CSMD3: variants seen among roughly 807,000 people sequenced by gnomAD.
The protein encoded by CSMD3 is CUB and Sushi multiple domains 3, also known as CUB and sushi domain-containing protein 3.
Under a neutral mutation model 435.2 loss-of-function variants are expected in CSMD3, and 177 were observed. The observed-to-expected ratio is 0.41, with a 90% CI of 0.36 to 0.46. CSMD3 has a LOEUF of 0.46. CSMD3 is among the 20% of genes least tolerant of loss of function. CSMD3 has a pLI of 0.34. For synonymous variants in CSMD3, 1,656 were observed against 1,520.5 expected (o/e 1.09, Z -2.07); for missense variants, 4,265 against 4,504.6 (o/e 0.95, Z 1.52).
intron 6 of CSMD3, among the ~76,000 whole-genome samples, chr8:112,980,820 G>T (rs964970665): frequency 5.9e-5 from 9 of 151,374 alleles, no homozygotes; most frequent in African/African-American, 1.9e-4. Flanking sequence ...ATTATAAAAG[G>T]TATTAATTTC....
rs193047713 is a variant in CSMD3, at chr8:112,312,866, G to A, written c.7696+1040C>T. On this transcript the variant is annotated intron_variant, in intron 49 of 70. Transcript: ENST00000297405. Reference sequence around the variant, plus strand: ...ATTCAAAATGTATCTGTCTATGCCCGGAATCATAGTGTCAGAGTTTATAAA... The same window carrying A: ...ATTCAAAATGTATCTGTCTATGCCCAGAATCATAGTGTCAGAGTTTATAAA... Among the ~76,000 whole-genome samples, 24 of 152,100 alleles carry A rather than the reference G, an allele frequency of 1.6e-4. No individual in the cohort carries two copies. The East Asian group carries it at 2.7e-3, about 17-fold the overall frequency.
intron 10 of CSMD3, among the ~76,000 whole-genome samples, chr8:112,894,250 C>A (rs1204090022): frequency 6.6e-6 from 1 of 151,332 alleles, no homozygotes; most frequent in Non-Finnish European, 1.5e-5. Context: ...CATATAGACC[C>A]AGATGGCATT....
chr8:112,378,116 C>A (rs549582353), intron 38 of CSMD3, among the ~76,000 whole-genome samples: 1 of 152,030 alleles, frequency 6.6e-6, no homozygotes, highest in African/African-American at 2.4e-5. Flanking sequence ...CTCCACGGAC[C>A]ACACTGAGGT....
chr8:112,344,821 T>C (rs1825507324), intron 41 of CSMD3, among the ~76,000 whole-genome samples: 4 of 152,154 alleles, frequency 2.6e-5, no homozygotes, highest in Admixed American at 2.6e-4. Context: ...GGGAAGGTAT[T>C]ATAGTGATTT....
At chr8:112,536,672 T>C (rs1307179368) in intron 27 of CSMD3, among the ~76,000 whole-genome samples, 2 of 151,410 alleles carry the variant, frequency 1.3e-5, no homozygotes, top group African/African-American at 4.9e-5. Flanking sequence ...TTACTGGGTA[T>C]ATACCCAAAG....
intron 35 of CSMD3, among the ~76,000 whole-genome samples, chr8:112,400,934 C>T (rs956042444): frequency 3.3e-5 from 5 of 152,090 alleles, no homozygotes; most frequent in African/African-American, 4.8e-5. Context: ...GGGCCAGGCC[C>T]GGTGGCTCAC....
intron 2 of CSMD3, among the ~76,000 whole-genome samples, chr8:113,298,481 T>A (rs1027551883): frequency 6.6e-6 from 1 of 152,202 alleles, no homozygotes; most frequent in South Asian, 2.1e-4. Context: ...TGTTTCATAA[T>A]AAAATATTCC....
At chr8:112,594,120 C>T (rs1351080155) in intron 22 of CSMD3, among the ~76,000 whole-genome samples, 1 of 152,110 alleles carries the variant, frequency 6.6e-6, no homozygotes, top group Non-Finnish European at 1.5e-5. Flanking sequence ...GTTCATCTCA[C>T]TAGGGAGTGC....
chr8:112,533,034 T>A (rs550950405), intron 27 of CSMD3, among the ~76,000 whole-genome samples: 1 of 152,190 alleles, frequency 6.6e-6, no homozygotes, highest in South Asian at 2.1e-4. Flanking sequence ...TAACCTTAAG[T>A]AGCCATTAGT....
chr8:112,782,988 G>A (rs1450218669), intron 13 of CSMD3, among the ~76,000 whole-genome samples: 1 of 151,888 alleles, frequency 6.6e-6, no homozygotes, highest in Admixed American at 6.6e-5. Context: ...TAAGTGATAA[G>A]CATTTATATA....
At chr8:112,386,658 C>T (rs936119516) in intron 36 of CSMD3, among the ~76,000 whole-genome samples, 2 of 152,020 alleles carry the variant, frequency 1.3e-5, no homozygotes, top group East Asian at 1.9e-4. Context: ...CCACCACGCC[C>T]GGCTAATTTT....
intron 13 of CSMD3, among the ~76,000 whole-genome samples, chr8:112,697,602 G>A (rs367747098): frequency 6.6e-6 from 1 of 151,924 alleles, no homozygotes; most frequent in African/African-American, 2.4e-5. Context: ...GTGGGGGCAG[G>A]GGGGAGGGTT....
In CSMD3 at chr8:112,281,166, ATACT is replaced by A; in HGVS notation, c.9508+4_9508+7del. ...TTACTGATTTTTAAATATTGAGAAT[ATACT>A]TACTTGTACAGTTAGGTAAAGTTCC... On this transcript the variant is annotated splice_donor_5th_base_variant and intron_variant, in intron 59 of 70. Transcript: ENST00000297405. 6.3e-7 allele frequency: 1 copy of A among 1,593,884 alleles called. No homozygotes were observed. The highest frequency in any genetic ancestry group is 8.6e-7 in the Non-Finnish European group (1 of 1,161,820).
At chr8:113,102,382 G>T (rs2090355222) in intron 4 of CSMD3, among the ~76,000 whole-genome samples, 1 of 152,224 alleles carries the variant, frequency 6.6e-6, no homozygotes, top group Non-Finnish European at 1.5e-5. Flanking sequence ...TATTCATTGA[G>T]ATCTTCCAAG....
chr8:113,326,309 T>C (rs2093983489), intron 1 of CSMD3, among the ~76,000 whole-genome samples: 1 of 152,060 alleles, frequency 6.6e-6, no homozygotes, highest in South Asian at 2.1e-4. Flanking sequence ...TCTTGTCTTT[T>C]TAAAGTGACC....
rs1824456141 is a variant in CSMD3, at chr8:112,335,343, A to G, written c.7151T>C (p.Val2384Ala). Residue 2384 changes from valine to alanine, a missense_variant, in exon 45 of 71, where the codon GTG becomes GCG. Around this residue, in one of 3 missense-constraint regions of CSMD3, gnomAD observed 3,255 missense variants for 3,380.2 expected, o/e 0.96. Transcript: ENST00000297405. ...HSDFTTSGFF[V>A]LSYHAYQLRV... ...ATAATACCAACCGTGATAACTGAGC[A>G]CAAAAAAGCCACTTGTTGTGAAATC... 6.2e-7 allele frequency: 1 copy of G among 1,613,992 alleles called. No homozygotes were observed. The highest frequency in any genetic ancestry group is 8.5e-7 in the Non-Finnish European group (1 of 1,179,938).
intron 4 of CSMD3, among the ~76,000 whole-genome samples, chr8:113,113,973 T>C (rs1024190519): frequency 1.2e-4 from 19 of 152,094 alleles, no homozygotes; most frequent in African/African-American, 4.1e-4. Context: ...TGGAGGACAA[T>C]TGAAATCAAT....
At chr8:113,427,418 CA>C (rs2130022863) in intron 1 of CSMD3, among the ~76,000 whole-genome samples, 1 of 150,420 alleles carries the variant, frequency 6.6e-6, no homozygotes, top group African/African-American at 2.4e-5. Context: ...TAATTCTGAT[CA>C]GGATTTTGGG....
chr8:112,301,940 G>A lies in CSMD3; in HGVS notation c.8293C>T (p.Pro2765Ser), dbSNP rs2130759488. 15 of 1,610,292 alleles carry A rather than the reference G, an allele frequency of 9.3e-6. No homozygotes were observed. The highest frequency in any genetic ancestry group is 1.3e-5 in the Non-Finnish European group (15 of 1,176,640). The change falls in exon 53 of 71, where the codon CCT becomes TCT. Residue 2765 changes from proline (P) to serine (S), a missense_variant. Transcript: ENST00000297405. ...GTTCCAATCTTATTTCCATTTGGAG[G>A]TGTAGGTAGTTCTCCACAGGAAATA... ...QIISCGELPT[P>S]PNGNKIGTQT...
Sources: gnomAD v4.1 joint callset for allele counts (sites outside exome capture counted in the v4.1 genomes callset) on GRCh38, gnomAD v4.1.1 for gene constraint, gnomAD v4.1.1 regional missense constraint, MANE v1.5 for transcripts, NCBI Gene and HGNC (gene_info 2026-07-23, HGNC 2026-07-21) for gene names.